DOCK4: variants seen among roughly 807,000 people sequenced by gnomAD.
DOCK4 encodes dedicator of cytokinesis 4.
In DOCK4, 97 loss-of-function variants were observed where a neutral mutation model predicts 268.1. That is an observed-to-expected ratio of 0.36 (90% CI 0.31 to 0.43). The LOEUF (loss-of-function observed/expected upper bound fraction) is 0.43. Ranked by LOEUF, DOCK4 falls within the 20% of genes least tolerant of loss-of-function variation. The probability of loss-of-function intolerance (pLI) is 1.00; values close to 1 mark genes in which losing one functional copy is unlikely to be tolerated. For missense variants in DOCK4, 2,145 were observed against 2,455.7 expected (o/e 0.87, Z 2.67); for synonymous variants, 954 against 887.2 (o/e 1.08, Z -1.34).
chr7:111,926,862 A>C (rs1195115145), intron 12 of DOCK4, among the ~76,000 whole-genome samples: 1 of 148,092 alleles, frequency 6.8e-6, no homozygotes, highest in African/African-American at 2.6e-5. Flanking sequence ...AAAAAGAGAG[A>C]GAGAGAGAAA....
intron 2 of DOCK4, 45 bp downstream of exon 2, chr7:112,004,003 T>C: frequency 1.4e-6 from 2 of 1,451,792 alleles, no homozygotes; most frequent in South Asian, 1.3e-5. Context: ...TTGTAGACTT[T>C]ATGAACAGCC....
At chr7:112,078,498 G>C (rs752499065) in intron 1 of DOCK4, among the ~76,000 whole-genome samples, 3 of 152,144 alleles carry the variant, frequency 2.0e-5, no homozygotes, top group Admixed American at 6.6e-5. Context: ...GGCACATAGA[G>C]AGACGATTTA....
chr7:112,024,970 T>C (rs16873331), intron 1 of DOCK4, among the ~76,000 whole-genome samples: 3,452 of 152,314 alleles, frequency 0.023, 132 homozygotes, highest in African/African-American at 0.078. Context: ...CATTATTTCA[T>C]GCTACTAAAT....
At chr7:112,170,141 A>C (rs1817956321) in intron 1 of DOCK4, among the ~76,000 whole-genome samples, 1 of 152,162 alleles carries the variant, frequency 6.6e-6, no homozygotes, top group Non-Finnish European at 1.5e-5. Context: ...AAAAAAATAA[A>C]AGGCAAGAAA....
intron 5 of DOCK4, among the ~76,000 whole-genome samples, chr7:111,989,927 A>G (rs1013341597): frequency 6.6e-6 from 1 of 152,230 alleles, no homozygotes; most frequent in African/African-American, 2.4e-5. Context: ...GATTAGTGGT[A>G]GCAACTGTGC....
chr7:112,184,493 T>C (rs186709559), intron 1 of DOCK4, among the ~76,000 whole-genome samples: 21 of 152,224 alleles, frequency 1.4e-4, no homozygotes, highest in Admixed American at 1.4e-3. Context: ...GGTTTAATAG[T>C]GCATATTCTG....
intron 1 of DOCK4, among the ~76,000 whole-genome samples, chr7:112,176,160 C>G (rs1586979593): frequency 6.6e-6 from 1 of 152,092 alleles, no homozygotes; most frequent in Non-Finnish European, 1.5e-5. Context: ...CAAAGAGCAC[C>G]CTACTAAGAA....
rs141442885 is a variant in DOCK4 at position 112,003,531 on chromosome 7, A to G, written c.121+517T>C. Among the ~76,000 whole-genome samples, 151 of 152,380 alleles carry G rather than the reference A, an allele frequency of 9.9e-4. 1 individual carries two copies. Among genetic ancestry groups the G allele is most frequent in the African/African-American group, 3.3e-3 (138 of 41,600 alleles). On this transcript the variant is annotated intron_variant, in intron 2 of 52. Transcript: ENST00000428084. ...AAATGAGTTGCCTACTACATAAATT[A>G]ATAATCATCATACAAAGTCAGACAA... is the stretch of plus-strand genomic sequence containing the variant.
chr7:111,809,431 A>G (rs1471219447), intron 28 of DOCK4, 30 bp from the exon 29 acceptor site: 9 of 1,511,150 alleles, frequency 6.0e-6, no homozygotes, highest in African/African-American at 2.8e-5. Context: ...TATCAATACT[A>G]TGGTGTTACA....
At chr7:112,051,706 C>G (rs1440464140) in intron 1 of DOCK4, among the ~76,000 whole-genome samples, 1 of 151,486 alleles carries the variant, frequency 6.6e-6, no homozygotes, top group South Asian at 2.1e-4. Flanking sequence ...AGGGAAGAAC[C>G]TTTGGAGCTG....
At chr7:111,825,207 T>C (rs1802301468) in intron 26 of DOCK4, among the ~76,000 whole-genome samples, 2 of 152,218 alleles carry the variant, frequency 1.3e-5, no homozygotes, top group South Asian at 4.1e-4. Flanking sequence ...TTCTAAAATG[T>C]AGGCAAATGT....
At chr7:112,066,707 A>ATGTGTG (rs1563052347) in intron 1 of DOCK4, among the ~76,000 whole-genome samples, 5 of 75,680 alleles carry the variant, frequency 6.6e-5, no homozygotes, top group African/African-American at 2.1e-4. Context: ...ATATATATAT[A>ATGTGTG]TATATATATA....
chr7:111,892,634 T>A (rs966849499), intron 16 of DOCK4, among the ~76,000 whole-genome samples: 1 of 152,254 alleles, frequency 6.6e-6, no homozygotes, highest in Non-Finnish European at 1.5e-5. Flanking sequence ...GCTATACTTT[T>A]AGCTCATAAT....
intron 1 of DOCK4, among the ~76,000 whole-genome samples, chr7:112,044,421 G>A (rs1804655169): frequency 6.6e-6 from 1 of 152,118 alleles, no homozygotes; most frequent in African/African-American, 2.4e-5. Context: ...AAAATGATCT[G>A]TATTGGATGA....
chr7:111,778,454 T>C, intron 35 of DOCK4, 85 bp from the exon 36 acceptor site: 1 of 781,654 alleles, frequency 1.3e-6, no homozygotes, highest in Non-Finnish European at 2.0e-6. Context: ...AAGTTCCATG[T>C]CTGGAGCCAA....
At chr7:111,748,962 C>T (rs924460479) in intron 42 of DOCK4, among the ~76,000 whole-genome samples, 1 of 152,028 alleles carries the variant, frequency 6.6e-6, no homozygotes, top group Non-Finnish European at 1.5e-5. Flanking sequence ...AAATATGTCT[C>T]AATAGAACAC....
chr7:112,123,395 G>C (rs926091643), intron 1 of DOCK4, among the ~76,000 whole-genome samples: 12 of 152,066 alleles, frequency 7.9e-5, no homozygotes, highest in African/African-American at 2.9e-4. Context: ...ACCCCAACAC[G>C]GGGATAAGAA....
intron 49 of DOCK4, among the ~76,000 whole-genome samples, chr7:111,738,409 G>C (rs1795656143): frequency 6.6e-6 from 1 of 152,206 alleles, no homozygotes; most frequent in Non-Finnish European, 1.5e-5. Context: ...AATAGGTCTA[G>C]GCAAAGGCAA....
intron 28 of DOCK4, among the ~76,000 whole-genome samples, chr7:111,810,277 C>A (rs1801002961): frequency 6.6e-6 from 1 of 151,748 alleles, no homozygotes; most frequent in Non-Finnish European, 1.5e-5. Flanking sequence ...TATGGTGAAA[C>A]CCCGTCTATC....
Sources: gnomAD v4.1 joint callset for allele counts (sites outside exome capture counted in the v4.1 genomes callset) on GRCh38, gnomAD v4.1.1 for gene constraint, MANE v1.5 for transcripts, NCBI Gene and HGNC (gene_info 2026-07-23, HGNC 2026-07-21) for gene names.